Variants in SFMBT2 observed in about 807,000 individuals in gnomAD.
SFMBT2 encodes Scm like with four mbt domains 2.
Under a neutral mutation model 110.1 loss-of-function variants are expected in SFMBT2, and 38 were observed. The ratio of observed to expected loss-of-function variants is 0.35; its 90% CI spans 0.27 to 0.45. The LOEUF is 0.45. SFMBT2 is among the 20% of genes least tolerant of loss of function. SFMBT2 has a pLI of 1.00. For synonymous variants in SFMBT2, 425 were observed against 425.4 expected, an observed-to-expected ratio of 1.00 and a Z score of 0.01; for missense variants, 1,011 against 1,094.9, an observed-to-expected ratio of 0.92 and a Z score of 1.08.
Position 7,172,059 on chromosome 10 carries a change from C to A in SFMBT2, c.2251G>T (p.Glu751Ter). 6.2e-7 allele frequency: 1 copy of A among 1,600,346 alleles called. No individual in the cohort carries two copies. The highest frequency in any genetic ancestry group is 1.3e-5 in the African/African-American group (1 of 74,684). Residue 751 changes from glutamate to a stop codon, truncating the protein, a stop_gained, in exon 19 of 21, where the codon GAG (glutamate) becomes TAG (stop). Transcript: ENST00000397167. LOFTEE classifies it high-confidence loss of function. The surrounding 1 kb of genome is among the most constrained non-coding windows in gnomAD (Gnocchi z 4.6). ...RDDQTDTSSA[E>*]VPSARPRRAV... ...CTCCGGGGCCGGGCCGAGGGCACCTCCGCCGACGAGGTGTCCGTCTGGTCA... is the reference window on the plus strand; with the variant it reads ...CTCCGGGGCCGGGCCGAGGGCACCTACGCCGACGAGGTGTCCGTCTGGTCA...
intron 2 of SFMBT2, among the ~76,000 whole-genome samples, chr10:7,376,654 A>G (rs1303985168): frequency 7.1e-6 from 1 of 140,338 alleles, no homozygotes; most frequent in Non-Finnish European, 1.5e-5. Context: ...AGCGGAGATC[A>G]CACCACTGCA....
At chr10:7,382,963 C>T (rs1401052337) in intron 1 of SFMBT2, among the ~76,000 whole-genome samples, 5 of 152,154 alleles carry the variant, frequency 3.3e-5, no homozygotes, top group African/African-American at 4.8e-5. Context: ...AGCAGCCATA[C>T]CTGGCTCCGA....
intron 14 of SFMBT2, among the ~76,000 whole-genome samples, chr10:7,200,055 G>A (rs563373484): frequency 8.5e-5 from 13 of 152,250 alleles, no homozygotes; most frequent in African/African-American, 1.9e-4. Context: ...CAAGTGGAAC[G>A]GAAATAAAAT....
At chr10:7,391,380 C>T (rs983391269) in intron 1 of SFMBT2, among the ~76,000 whole-genome samples, 3 of 151,432 alleles carry the variant, frequency 2.0e-5, no homozygotes, top group Admixed American at 6.6e-5. Context: ...GCAGGAGAAT[C>T]GCTTGAACCC....
At chr10:7,196,407 G>A (rs574576715) in intron 15 of SFMBT2, among the ~76,000 whole-genome samples, 32 of 152,236 alleles carry the variant, frequency 2.1e-4, no homozygotes, top group Admixed American at 3.3e-4. Context: ...CCATGCCCAC[G>A]CTGTGCAATC....
At chr10:7,241,309 G>A in intron 9 of SFMBT2, 1 of 980,010 alleles carries the variant, frequency 1.0e-6, no homozygotes, top group South Asian at 4.7e-5. Context: ...CTGAACTAAT[G>A]ATATTTACCA....
chr10:7,373,066 T>C (rs940092887), intron 2 of SFMBT2, among the ~76,000 whole-genome samples: 8 of 152,240 alleles, frequency 5.3e-5, no homozygotes, highest in Admixed American at 3.3e-4. Context: ...ATTCCCAATG[T>C]GGCAGTGCTG....
chr10:7,350,539 A>C (rs1844278780), intron 4 of SFMBT2, among the ~76,000 whole-genome samples: 1 of 152,180 alleles, frequency 6.6e-6, no homozygotes, highest in Non-Finnish European at 1.5e-5. Flanking sequence ...TGAACTGGCC[A>C]CGACAGCTCG....
At chr10:7,315,422 C>A (rs550393840) in intron 4 of SFMBT2, among the ~76,000 whole-genome samples, 1 of 152,316 alleles carries the variant, frequency 6.6e-6, no homozygotes, top group Non-Finnish European at 1.5e-5. Flanking sequence ...GGCTTTTTCC[C>A]ACCTTCCAAC....
At chr10:7,340,657 A>G (rs1588462527) in intron 4 of SFMBT2, among the ~76,000 whole-genome samples, 1 of 142,278 alleles carries the variant, frequency 7.0e-6, no homozygotes, top group South Asian at 2.2e-4. Flanking sequence ...ACCTATCTCA[A>G]AAAAAAAAAA....
chr10:7,267,942 T>C (rs1331741969), intron 7 of SFMBT2, among the ~76,000 whole-genome samples: 1 of 152,206 alleles, frequency 6.6e-6, no homozygotes, highest in Non-Finnish European at 1.5e-5. Context: ...AAGGAAACAA[T>C]ATTTTATTTC....
At chr10:7,393,798 A>G (rs1311529325) in intron 1 of SFMBT2, among the ~76,000 whole-genome samples, 7 of 152,152 alleles carry the variant, frequency 4.6e-5, no homozygotes, top group Non-Finnish European at 8.8e-5. Context: ...CCCTAGACCT[A>G]GGATCACCCA....
rs145765790 is a variant in SFMBT2, at chr10:7,226,005, C to T, written c.1203+1850G>A. On this transcript the variant is annotated intron_variant, in intron 10 of 20. Transcript: ENST00000397167. ...TAACCAGCTGCAGTCCTCATGGGGG[C>T]ATGGCTATGCAGCTGGCCCTGTCAC... 4.2e-3 allele frequency among the ~76,000 whole-genome samples: 637 copies of T among 152,292 alleles called. 1 individual carries two copies. Among genetic ancestry groups the T allele is most frequent in the Non-Finnish European group, 7.1e-3 (481 of 68,014 alleles).
At chr10:7,271,862 A>G (rs889414297) in intron 7 of SFMBT2, among the ~76,000 whole-genome samples, 2 of 152,124 alleles carry the variant, frequency 1.3e-5, no homozygotes, top group Non-Finnish European at 2.9e-5. Context: ...ATCTCGTGAG[A>G]CTTATTCACT....
At chr10:7,205,273 G>C (rs980559885) in intron 12 of SFMBT2, 1 of 314,028 alleles carries the variant, frequency 3.2e-6, no homozygotes, top group Non-Finnish European at 4.6e-6. Context: ...CTTTTTTTAC[G>C]TATATACAGT....
At chr10:7,326,876 T>A (rs1843400494) in intron 4 of SFMBT2, among the ~76,000 whole-genome samples, 1 of 152,178 alleles carries the variant, frequency 6.6e-6, no homozygotes, top group Non-Finnish European at 1.5e-5. Flanking sequence ...AAAACCGAAC[T>A]AGATTCCCTT....
chr10:7,187,404 G>C (rs777036551), intron 16 of SFMBT2, among the ~76,000 whole-genome samples: 2 of 152,140 alleles, frequency 1.3e-5, no homozygotes, highest in Non-Finnish European at 2.9e-5. Context: ...GTTTTTCTCT[G>C]AGCTATAGGT....
chr10:7,407,198 C>G (rs907928511), intron 1 of SFMBT2, among the ~76,000 whole-genome samples: 22 of 152,244 alleles, frequency 1.4e-4, no homozygotes, highest in Admixed American at 3.9e-4. Context: ...TGCTGAGCAA[C>G]AACGCCTCTC....
Position 7,200,394 on chromosome 10 carries a change from C to T in SFMBT2, c.1558+20G>A. The T allele has an allele frequency of 6.4e-7, 1 of 1,568,990 alleles. No homozygotes were observed. ...TGCACGGTGGGAAGGCACAGAGACC[C>T]CCTAAATGGGACTGATTACCTGTGG... is the stretch of plus-strand genomic sequence containing the variant. On this transcript the variant is annotated intron_variant, in intron 14 of 20. Coordinates refer to ENST00000397167, the MANE Select transcript of SFMBT2 (RefSeq NM_001387889.1).
Sources: gnomAD v4.1 joint callset for allele counts (sites outside exome capture counted in the v4.1 genomes callset) on GRCh38, gnomAD v4.1.1 for gene constraint, Gnocchi (gnomAD v3.1) non-coding constraint, MANE v1.5 for transcripts, NCBI Gene and HGNC (gene_info 2026-07-23, HGNC 2026-07-21) for gene names.